The following TYW1B variants were observed in gnomAD, a reference collection of about 807,000 sequenced individuals.
The protein encoded by TYW1B is tRNA-yW synthesizing protein 1 homolog B.
TYW1B carries 73 observed loss-of-function variants against 86.9 expected under a neutral mutation model. The observed-to-expected ratio is 0.84, with a 90% CI of 0.70 to 1.02. The LOEUF (loss-of-function observed/expected upper bound fraction) is 1.02. Ranked by LOEUF, TYW1B falls within the 50% of genes least tolerant of loss-of-function variation. The pLI is 0.00. For synonymous variants in TYW1B, 248 were observed against 292.8 expected (o/e 0.85, Z 1.56); for missense variants, 637 against 827.4 (o/e 0.77, Z 2.82).
At position 72,703,018 on chromosome 7, in the gene TYW1B, A is replaced by T. The variant is rs1814519491; in HGVS notation, c.1371-8196T>A. Among the ~76,000 whole-genome samples the T allele has an allele frequency of 2.0e-3, 29 of 14,400 alleles. 1 individual carries two copies. Among genetic ancestry groups the T allele is most frequent in the African/African-American group, 4.1e-3 (16 of 3,920 alleles). The allele number at this position is 14,400 out of a possible 152,430, so 9.4% of individuals were successfully genotyped here. On this transcript the variant is annotated intron_variant, in intron 10 of 13. Coordinates refer to ENST00000620995, the MANE Select transcript of TYW1B (RefSeq NM_001145440.3). ...TATATATATATATATATATATATATATATATATATTTTTTTTTTTTTTTTG... is the reference window on the plus strand; with the variant it reads ...TATATATATATATATATATATATATTTATATATATTTTTTTTTTTTTTTTG...
At chr7:72,667,748 G>C (rs1289227515) in intron 11 of TYW1B, among the ~76,000 whole-genome samples, 1 of 152,148 alleles carries the variant, frequency 6.6e-6, no homozygotes, top group Non-Finnish European at 1.5e-5. Flanking sequence ...TGTTGTAGTG[G>C]AAAACCAGCA....
intron 4 of TYW1B, among the ~76,000 whole-genome samples, chr7:72,808,986 G>A (rs1256235127): frequency 4.0e-5 from 6 of 151,468 alleles, no homozygotes; most frequent in African/African-American, 1.5e-4. Flanking sequence ...GTAGAGAACA[G>A]GATGAAAAAG....
chr7:72,798,222 T>C (rs1788343203), intron 6 of TYW1B, among the ~76,000 whole-genome samples: 1 of 152,012 alleles, frequency 6.6e-6, no homozygotes, highest in Admixed American at 6.6e-5. Flanking sequence ...AAACCCCGTC[T>C]CTACCAAAAA....
At chr7:72,592,876 C>T (rs2129567856) in intron 13 of TYW1B, among the ~76,000 whole-genome samples, 1 of 152,148 alleles carries the variant, frequency 6.6e-6, no homozygotes, top group East Asian at 1.9e-4. Flanking sequence ...CACCTCATAA[C>T]AGATAATCAA....
At chr7:72,609,937 C>T (rs1315348890) in intron 13 of TYW1B, among the ~76,000 whole-genome samples, 1 of 152,100 alleles carries the variant, frequency 6.6e-6, no homozygotes, top group African/African-American at 2.4e-5. Context: ...CTGTGGTTCC[C>T]AAGCAGTGGG....
At chr7:72,619,095 T>G (rs1812152242) in intron 12 of TYW1B, among the ~76,000 whole-genome samples, 1 of 152,150 alleles carries the variant, frequency 6.6e-6, no homozygotes, top group South Asian at 2.1e-4. Flanking sequence ...CCCCTTTCCT[T>G]CCACCAATCA....
intron 13 of TYW1B, among the ~76,000 whole-genome samples, chr7:72,592,160 TAAAAAAAAAAAAA>T (rs56146824): frequency 2.9e-5 from 3 of 103,400 alleles, no homozygotes; most frequent in East Asian, 2.5e-4. Context: ...ACTAATGTGT[TAAAAAAAAAAAAA>T]AAAAAAAAAA....
intron 7 of TYW1B, among the ~76,000 whole-genome samples, chr7:72,774,910 C>T (rs1787929939): frequency 6.6e-6 from 1 of 151,936 alleles, no homozygotes; most frequent in Admixed American, 6.6e-5. Flanking sequence ...CAGATTAGGA[C>T]ATTAAAACAG....
intron 12 of TYW1B, among the ~76,000 whole-genome samples, chr7:72,625,058 C>CAAAAAAAAAAA (rs57613692): frequency 1.6e-5 from 2 of 126,496 alleles, no homozygotes; most frequent in African/African-American, 5.5e-5. Flanking sequence ...GAACCTGTCT[C>CAAAAAAAAAAA]AAAAAAAAAA....
intron 13 of TYW1B, among the ~76,000 whole-genome samples, chr7:72,606,652 G>C (rs1285320033): frequency 2.0e-5 from 3 of 151,786 alleles, no homozygotes; most frequent in Admixed American, 2.0e-4. Context: ...AGTCTAAGGG[G>C]GGAACAGTCA....
Position 72,828,105 on chromosome 7 carries a change from C to T in TYW1B, c.-30G>A. ...CTCAGAGCCGACAGGAGACTAGGAT[C>T]TCGGACCTGGAGAGCCCAAAGGTTC... On this transcript the variant is annotated 5_prime_UTR_variant, in exon 1 of 14. Coordinates refer to ENST00000620995, the MANE Select transcript of TYW1B (RefSeq NM_001145440.3). 6.2e-7 allele frequency: 1 copy of T among 1,613,622 alleles called. No homozygotes were observed. The highest frequency in any genetic ancestry group is 8.5e-7 in the Non-Finnish European group (1 of 1,179,790).
At chr7:72,647,227 A>C (rs1812949744) in intron 11 of TYW1B, among the ~76,000 whole-genome samples, 1 of 152,242 alleles carries the variant, frequency 6.6e-6, no homozygotes, top group South Asian at 2.1e-4. Context: ...TTAGCACGAC[A>C]GGCATATTTG....
intron 7 of TYW1B, among the ~76,000 whole-genome samples, chr7:72,759,097 G>A (rs771014220): frequency 6.6e-5 from 10 of 152,290 alleles, no homozygotes; most frequent in South Asian, 2.1e-4. Context: ...GTGCGAGGCC[G>A]AGGCAGGCAG....
chr7:72,713,136 TAA>T (rs11335165), intron 10 of TYW1B, among the ~76,000 whole-genome samples: 4 of 141,480 alleles, frequency 2.8e-5, no homozygotes, highest in African/African-American at 1.1e-4. Context: ...CCATCTCTAT[TAA>T]AAAAAAAAAA....
At chr7:72,786,303 A>C (rs1311699172) in intron 6 of TYW1B, among the ~76,000 whole-genome samples, 2 of 152,146 alleles carry the variant, frequency 1.3e-5, no homozygotes, top group Admixed American at 1.3e-4. Flanking sequence ...TAAAATTGGG[A>C]AAAAATAGGT....
At chr7:72,651,681 A>C (rs1389789059) in intron 11 of TYW1B, among the ~76,000 whole-genome samples, 1 of 152,172 alleles carries the variant, frequency 6.6e-6, no homozygotes, top group African/African-American at 2.4e-5. Context: ...ATGTATATAC[A>C]TACCTTAAGT....
intron 10 of TYW1B, among the ~76,000 whole-genome samples, chr7:72,706,107 A>G (rs572706912): frequency 1.3e-5 from 2 of 152,322 alleles, no homozygotes; most frequent in Admixed American, 1.3e-4. Context: ...TGTGTATCAA[A>G]ATGCGGATTG....
At chr7:72,662,561 C>T (rs1554444641) in intron 11 of TYW1B, among the ~76,000 whole-genome samples, 1 of 152,084 alleles carries the variant, frequency 6.6e-6, no homozygotes, top group African/African-American at 2.4e-5. Context: ...AAAAAGCTAA[C>T]AAACTCTAAG....
intron 8 of TYW1B, among the ~76,000 whole-genome samples, chr7:72,739,279 TA>T (rs1245669610): frequency 6.6e-6 from 1 of 152,062 alleles, no homozygotes; most frequent in African/African-American, 2.4e-5. Flanking sequence ...CTGCTTACGT[TA>T]AAAAAACTCT....
Sources: gnomAD v4.1 joint callset for allele counts (sites outside exome capture counted in the v4.1 genomes callset) on GRCh38, gnomAD v4.1.1 for gene constraint, MANE v1.5 for transcripts, NCBI Gene and HGNC (gene_info 2026-07-23, HGNC 2026-07-21) for gene names.